The following SLC22A23 variants were observed in gnomAD, a reference collection of about 807,000 sequenced individuals.
SLC22A23 encodes the protein ion transporter protein.
Under a neutral mutation model 61.0 loss-of-function variants are expected in SLC22A23, and 26 were observed. The observed-to-expected ratio is 0.43, with a 90% CI of 0.31 to 0.59. The LOEUF is 0.59. Ranked by LOEUF, SLC22A23 falls within the 20% of genes least tolerant of loss-of-function variation. The probability of loss-of-function intolerance (pLI) is 0.11; values close to 1 mark genes in which losing one functional copy is unlikely to be tolerated. For synonymous variants in SLC22A23, 430 were observed against 413.9 expected (o/e 1.04, Z -0.47); for missense variants, 796 against 934.7 (o/e 0.85, Z 1.94).
chr6:3,313,797 G>T lies in SLC22A23; in HGVS notation c.1082+10037C>A, dbSNP rs1197962206. Reference sequence around the variant, plus strand: ...GCATTTTGGGAGGCCAAGGTGGGTGGATCACCTGAGGCTGGGATTCGAGAC... The same window carrying T: ...GCATTTTGGGAGGCCAAGGTGGGTGTATCACCTGAGGCTGGGATTCGAGAC... On this transcript the variant is annotated intron_variant, in intron 4 of 9. Transcript: ENST00000406686. 4 of 136,998 alleles carry T rather than the reference G, an allele frequency of 2.9e-5. No individual in the cohort carries two copies. The Admixed American group carries it at 3.1e-4, about 11-fold the overall frequency. 8.5% of individuals were successfully genotyped at this position (136,998 alleles called of 1,614,324 possible).
At position 3,275,530 on chromosome 6, in the gene SLC22A23, T is replaced by C. The variant is rs369312277; in HGVS notation, c.1704-2118A>G. Among the ~76,000 whole-genome samples the C allele has an allele frequency of 4.6e-5, 7 of 152,282 alleles. No homozygotes were observed. In the East Asian group the frequency reaches 9.6e-4, roughly 21 times the overall value. ...ATACATGTTTAAGAAAAAAAGACCA[T>C]AGACTGGGAGAAAATATTCGTGAAG... On this transcript the variant is annotated intron_variant, in intron 9 of 9. Transcript: ENST00000406686.
Position 3,284,231 on chromosome 6 carries a change from C to A in SLC22A23, c.1580-256G>T, listed in dbSNP as rs531241975. The A allele has an allele frequency of 2.3e-4, 86 of 375,278 alleles. 1 individual carries two copies. The highest frequency in any genetic ancestry group is 1.7e-3 in the African/African-American group (85 of 48,814). 23.2% of individuals were successfully genotyped at this position (375,278 alleles called of 1,614,324 possible). On this transcript the variant is annotated intron_variant, in intron 8 of 9. Coordinates refer to ENST00000406686, the MANE Select transcript of SLC22A23 (RefSeq NM_015482.2). ...CTCATGGTGGCCTCTATTGGAATTC[C>A]TCAGCCGGGAGCCATGCCTGGTGGG...
chr6:3,433,007 G>A (rs1770968860), intron 1 of SLC22A23, among the ~76,000 whole-genome samples: 1 of 152,220 alleles, frequency 6.6e-6, no homozygotes, highest in Admixed American at 6.5e-5. Flanking sequence ...GCTCTTTGCA[G>A]CTGGCTGTGG....
In SLC22A23 at chr6:3,390,705, G is replaced by A. The variant is rs142661301; in HGVS notation, c.913+19483C>T. ...GCTGGCTGCCACTCAGCATCTCTGA[G>A]CCTGGTATGTATCAGTGGACCCCAA... is the stretch of plus-strand genomic sequence containing the variant. On this transcript the variant is annotated intron_variant, in intron 3 of 9. Coordinates refer to ENST00000406686, the MANE Select transcript of SLC22A23 (RefSeq NM_015482.2). The surrounding 1 kb of genome is among the most constrained non-coding windows in gnomAD (Gnocchi z 4.0). 6.2e-4 allele frequency among the ~76,000 whole-genome samples: 94 copies of A among 152,342 alleles called. No individual in the cohort carries two copies. The highest frequency in any genetic ancestry group is 2.2e-3 in the African/African-American group (92 of 41,580).
chr6:3,380,055 G>C (rs1021844368), intron 3 of SLC22A23, among the ~76,000 whole-genome samples: 2 of 152,170 alleles, frequency 1.3e-5, no homozygotes, highest in African/African-American at 2.4e-5. Context: ...GGATGAGGGG[G>C]CTAGAGGGTG....
chr6:3,437,481 C>T (rs1002959858), intron 1 of SLC22A23, among the ~76,000 whole-genome samples: 2 of 151,628 alleles, frequency 1.3e-5, no homozygotes, highest in South Asian at 2.1e-4. Flanking sequence ...ATGGAGACCA[C>T]CCTGGCTAAC....
At position 3,387,266 on chromosome 6, in the gene SLC22A23, C is replaced by T. The variant is rs921715701; in HGVS notation, c.913+22922G>A. ...GGTTAGCGTGACCAGTGACAGCTCA[C>T]GCTGACGTCAGAGCTCCTGCCTCGA... On this transcript the variant is annotated intron_variant, in intron 3 of 9. Transcript: ENST00000406686. The surrounding 1 kb of genome is among the most constrained non-coding windows in gnomAD (Gnocchi z 5.0). 2.0e-5 allele frequency among the ~76,000 whole-genome samples: 3 copies of T among 152,236 alleles called. No individual in the cohort carries two copies. The highest frequency in any genetic ancestry group is 2.9e-5 in the Non-Finnish European group (2 of 68,042).
rs932474743 is a variant in SLC22A23, at chr6:3,269,109, T to G, written c.*3946A>C. 1 of 152,324 alleles carries G rather than the reference T, an allele frequency of 6.6e-6. No homozygotes were observed. The highest frequency in any genetic ancestry group is 2.4e-5 in the African/African-American group (1 of 41,442). 9.4% of individuals were successfully genotyped at this position (152,324 alleles called of 1,614,324 possible). ...TCATTTCTTGACGTCTCTAGGAACC[T>G]TCAGGCCACGGATCAGCAGAACATA... On this transcript the variant is annotated 3_prime_UTR_variant, in exon 10 of 10. Transcript: ENST00000406686.
intron 5 of SLC22A23, among the ~76,000 whole-genome samples, chr6:3,295,307 G>T (rs1350832147): frequency 5.1e-5 from 4 of 78,608 alleles, no homozygotes; most frequent in African/African-American, 2.9e-4. Flanking sequence ...AGGCAAGAGT[G>T]GGGAGCTGAG....
chr6:3,352,522 G>A (rs999616676), intron 3 of SLC22A23, among the ~76,000 whole-genome samples: 1 of 152,094 alleles, frequency 6.6e-6, no homozygotes, highest in Non-Finnish European at 1.5e-5. Flanking sequence ...CAGACAGAGA[G>A]AAAGAGAGCA....
At chr6:3,432,272 G>A (rs1400124539) in intron 1 of SLC22A23, 1 of 985,368 alleles carries the variant, frequency 1.0e-6, no homozygotes, top group Non-Finnish European at 1.2e-6. Flanking sequence ...TCTGCTGAGT[G>A]AACGCTGGCT....
At chr6:3,376,499 T>C (rs1049407881) in intron 3 of SLC22A23, among the ~76,000 whole-genome samples, 6 of 152,132 alleles carry the variant, frequency 3.9e-5, no homozygotes, top group Non-Finnish European at 8.8e-5. Flanking sequence ...CTTCTTGTCC[T>C]TCTGCCCAAC....
At position 3,297,601 on chromosome 6, in the gene SLC22A23, T is replaced by C. The variant is rs1761225521; in HGVS notation, c.1210+490A>G. On this transcript the variant is annotated intron_variant, in intron 5 of 9. Transcript: ENST00000406686. The surrounding 1 kb of genome is among the most constrained non-coding windows in gnomAD (Gnocchi z 4.3). ...TGGTAACGCTCCTGACACGCAGGAA[T>C]TCTATGGATCTGAACGACTATCCAA... Among the ~76,000 whole-genome samples the C allele has an allele frequency of 6.6e-6, 1 of 152,158 alleles. No homozygotes were observed. Among genetic ancestry groups the C allele is most frequent in the Non-Finnish European group, 1.5e-5 (1 of 68,026 alleles).
rs1372264270 is a variant in SLC22A23, at chr6:3,390,905, C to CT, written c.913+19282dup. Among the ~76,000 whole-genome samples, 1 of 152,220 alleles carries CT rather than the reference C, an allele frequency of 6.6e-6. No homozygotes were observed. The highest frequency in any genetic ancestry group is 1.5e-5 in the Non-Finnish European group (1 of 68,034). ...CCAGAGATCTGAGGGAACCATGACA[C>CT]TTACTGTTGATGTTGGCGCCTCTTT... is the stretch of plus-strand genomic sequence containing the variant. On this transcript the variant is annotated intron_variant, in intron 3 of 9. Transcript: ENST00000406686. This position sits in a 1 kb window ranked among gnomAD's most constrained non-coding sequence, Gnocchi z 4.0.
chr6:3,433,979 A>G (rs774128743), intron 1 of SLC22A23, among the ~76,000 whole-genome samples: 12 of 152,182 alleles, frequency 7.9e-5, no homozygotes, highest in Non-Finnish European at 1.3e-4. Flanking sequence ...TACACTTAAC[A>G]TCTGTCCATT....
At chr6:3,354,893 G>T (rs753820284) in intron 3 of SLC22A23, among the ~76,000 whole-genome samples, 1 of 152,114 alleles carries the variant, frequency 6.6e-6, no homozygotes, top group Non-Finnish European at 1.5e-5. Flanking sequence ...ATTAGTTCAT[G>T]GGTAGACAAC....
chr6:3,412,901 A>AG (rs35246453), intron 2 of SLC22A23, among the ~76,000 whole-genome samples: 1 of 151,746 alleles, frequency 6.6e-6, no homozygotes, highest in African/African-American at 2.4e-5. Flanking sequence ...AAAGCAGGGG[A>AG]GCAGATTATC....
intron 3 of SLC22A23, among the ~76,000 whole-genome samples, chr6:3,373,801 A>G (rs115629813): frequency 0.032 from 4,865 of 152,260 alleles, 261 homozygotes; most frequent in African/African-American, 0.11. Context: ...TGCCCTTCAG[A>G]AACTTACGGT....
Position 3,273,178 on chromosome 6 carries a change from C to G in SLC22A23, c.1938G>C (p.Lys646Asn). The stretch of plus-strand genomic sequence containing the variant: ...TGGTGAGCAGCAGTGGCTGCTCCCC[C>G]TTCTTGTGCGGCAGCAGCGGCTGGC... ...YTRQPLLPHK[K>N]GEQPLLLTNA... The change falls in exon 10 of 10, where the codon AAG becomes AAC. Residue 646 changes from lysine to asparagine, a missense_variant. Transcript: ENST00000406686. 1.2e-6 allele frequency: 2 copies of G among 1,613,036 alleles called. No homozygotes were observed. Among genetic ancestry groups the G allele is most frequent in the Non-Finnish European group, 1.7e-6 (2 of 1,179,814 alleles).
Sources: allele counts gnomAD v4.1 joint callset (sites outside exome capture counted in the v4.1 genomes callset), GRCh38; gene constraint gnomAD v4.1.1; non-coding constraint Gnocchi (gnomAD v3.1); transcripts MANE v1.5; gene names NCBI Gene and HGNC (gene_info 2026-07-23, HGNC 2026-07-21).